The following TMF1 variants were observed in gnomAD, a reference collection of about 807,000 sequenced individuals.
The protein encoded by TMF1 is TATA element modulatory factor 1, also known as TATA element modulatory factor.
TMF1 carries 71 observed loss-of-function variants against 126.5 expected under a neutral mutation model. That is an observed-to-expected ratio of 0.56 (90% confidence interval 0.46 to 0.68). The LOEUF (loss-of-function observed/expected upper bound fraction) is 0.68. Ranked by LOEUF, TMF1 falls within the 30% of genes least tolerant of loss-of-function variation. TMF1 has a pLI of 0.00. For missense variants in TMF1, 1,259 were observed against 1,253.2 expected (o/e 1.00, Z -0.07); for synonymous variants, 461 against 430.5 (o/e 1.07, Z -0.88).
chr3:69,029,848 T>C lies in TMF1; in HGVS notation c.2561A>G (p.Asn854Ser). 6.2e-7 allele frequency: 1 copy of C among 1,613,504 alleles called. No individual in the cohort carries two copies. Among genetic ancestry groups the C allele is most frequent in the Non-Finnish European group, 8.5e-7 (1 of 1,179,698 alleles). The stretch of plus-strand genomic sequence containing the variant: ...CTCATCCTCCAGTTTACACAGCCTA[T>C]TTTTCTCTGATTCTAGCTGGGCTTG... The part of the protein sequence containing the change: ...RFQAQLESEK[N>S]RLCKLEDENN... The change falls in exon 11 of 17, where the codon AAT becomes AGT. Residue 854 changes from asparagine (N) to serine (S), a missense_variant. Asn to Ser is a conservative substitution (Grantham distance 46). Transcript: ENST00000398559.
At position 69,026,031 on chromosome 3, in the gene TMF1, C is replaced by G; in HGVS notation, c.2824G>C (p.Asp942His). ...AAAGATGTCTGTAGTCCTGCCATAT[C>G]AACACCACTTATTGAACTTGAGCGT... is the stretch of plus-strand genomic sequence containing the variant. Reference protein sequence around the residue: ...MSRSSSISGVDMAGLQTSFLS... With the variant: ...MSRSSSISGVHMAGLQTSFLS... Residue 942 changes from aspartate to histidine, a missense_variant, in exon 14 of 17, where the codon GAT (aspartate) becomes CAT (histidine). Physicochemically the swap from Asp to His is moderately conservative, Grantham distance 81. Coordinates refer to ENST00000398559, the MANE Select transcript of TMF1 (RefSeq NM_007114.3). 3 of 1,614,080 alleles carry G rather than the reference C, an allele frequency of 1.9e-6. No individual in the cohort carries two copies. The highest frequency in any genetic ancestry group is 2.5e-6 in the Non-Finnish European group (3 of 1,179,988).
At chr3:69,028,416 T>C (rs1046615364) in intron 11 of TMF1, 121 bp from the exon 12 acceptor site, 3 of 619,708 alleles carry the variant, frequency 4.8e-6, no homozygotes, top group African/African-American at 1.8e-5. Context: ...TATTACCAGC[T>C]TGACATCAGT....
chr3:69,025,933 C>T, intron 14 of TMF1, 63 bp downstream of exon 14: 1 of 1,379,728 alleles, frequency 7.2e-7, no homozygotes, highest in Non-Finnish European at 1.0e-6. Context: ...ACAATATTGC[C>T]ATTTGCATAT....
chr3:69,040,558 C>T (rs2091857995), intron 5 of TMF1: 1 of 152,172 alleles, frequency 6.6e-6, no homozygotes, highest in East Asian at 1.9e-4. Context: ...CCTGATGAAT[C>T]TAGGTGATGA....
chr3:69,048,319 ACTT>A lies in TMF1; in HGVS notation c.383_385del (p.Glu128del), dbSNP rs751569693. 26 of 1,613,958 alleles carry A rather than the reference ACTT, an allele frequency of 1.6e-5. No individual in the cohort carries two copies. Among genetic ancestry groups the A allele is most frequent in the Admixed American group, 8.3e-5 (5 of 59,984 alleles). Reference sequence around the variant, plus strand: ...CAAGGATTCATGTAAGCTGCTTTTCACTTCTTCTTCTGGTCGTTGTGATTTTGC... The same window carrying A: ...CAAGGATTCATGTAAGCTGCTTTTCACTTCTTCTGGTCGTTGTGATTTTGC... On this transcript the variant is annotated inframe_deletion, in exon 2 of 17. Transcript: ENST00000398559.
In TMF1 at chr3:69,052,285, C is replaced by T. The variant is rs1334610547; in HGVS notation, c.-199G>A. The T allele has an allele frequency of 1.5e-5, 7 of 480,048 alleles. No individual in the cohort carries two copies. Among genetic ancestry groups the T allele is most frequent in the Non-Finnish European group, 2.2e-5 (6 of 274,190 alleles). 29.7% of individuals were successfully genotyped at this position (480,048 alleles called of 1,614,324 possible). ...CCGCACAGCTGAGACGAAGGGGGCC[C>T]ATGTGCGCATGCGCTTGCTTCTTCC... On this transcript the variant is annotated 5_prime_UTR_variant, in exon 1 of 17. The change abolishes an upstream ATG in the 5' untranslated region. Coordinates refer to ENST00000398559, the MANE Select transcript of TMF1 (RefSeq NM_007114.3).
chr3:69,029,444 AATTTAT>A (rs889207953), intron 11 of TMF1, among the ~76,000 whole-genome samples: 3 of 97,056 alleles, frequency 3.1e-5, no homozygotes, highest in Admixed American at 2.8e-4. Context: ...TTACTTATTT[AATTTAT>A]TTTTTTTTTT....
At position 69,046,591 on chromosome 3, in the gene TMF1, T is replaced by C. The variant is rs2091897394; in HGVS notation, c.1347+767A>G. ...CAAGACATCCTACATCTCAGAAGTC[T>C]ATTAAAGATACCAGATCCAACTAAA... is the stretch of plus-strand genomic sequence containing the variant. On this transcript the variant is annotated intron_variant, in intron 2 of 16. Transcript: ENST00000398559. Among the ~76,000 whole-genome samples the C allele has an allele frequency of 3.3e-5, 5 of 152,332 alleles. No homozygotes were observed. In the South Asian group the frequency reaches 1.0e-3, roughly 32 times the overall value.
intron 1 of TMF1, among the ~76,000 whole-genome samples, chr3:69,050,968 A>C (rs2091924362): frequency 6.6e-6 from 1 of 152,218 alleles, no homozygotes; most frequent in South Asian, 2.1e-4. Flanking sequence ...AAGCTCAATG[A>C]AACTGCAAAG....
Position 69,038,594 on chromosome 3 carries a change from G to T in TMF1, c.2121C>A (p.Ala707=). The T allele has an allele frequency of 6.2e-7, 1 of 1,613,816 alleles. No individual in the cohort carries two copies. Among genetic ancestry groups the T allele is most frequent in the East Asian group, 2.2e-5 (1 of 44,874 alleles). ...TGGCTAATGTTTCTTGCTGCTGACGGGCTTCTTCTTGGGCCTTCTCTAATG... is the reference window on the plus strand; with the variant it reads ...TGGCTAATGTTTCTTGCTGCTGACGTGCTTCTTCTTGGGCCTTCTCTAATG... ...SAALEKAQEE[A]RQQQETLAIQ... Residue 707 remains alanine, a synonymous_variant, in exon 8 of 17, where the codon GCC becomes GCA. Transcript: ENST00000398559.
Position 69,033,721 on chromosome 3 carries a change from T to C in TMF1, c.2245-17A>G. 1 of 1,593,942 alleles carries C rather than the reference T, an allele frequency of 6.3e-7. No individual in the cohort carries two copies. The highest frequency in any genetic ancestry group is 8.5e-7 in the Non-Finnish European group (1 of 1,172,166). On this transcript the variant is annotated splice_polypyrimidine_tract_variant and intron_variant, in intron 9 of 16. Transcript: ENST00000398559. ...CTGGAGTCTCTGAATCATGAAATTC[T>C]GAAGTCATTACCAATGACAGCAATA...
intron 8 of TMF1, among the ~76,000 whole-genome samples, chr3:69,036,686 G>A (rs765919575): frequency 6.6e-6 from 1 of 152,144 alleles, no homozygotes; most frequent in African/African-American, 2.4e-5. Context: ...TCATGTAAAT[G>A]TTTTACACAT....
intron 5 of TMF1, 46 bp downstream of exon 5, chr3:69,042,761 C>A: frequency 6.8e-7 from 1 of 1,479,334 alleles, no homozygotes; most frequent in Non-Finnish European, 9.4e-7. Context: ...AAGTACTTTT[C>A]CTGTTCTTAC....
chr3:69,030,221 A>C, intron 10 of TMF1: 1 of 443,604 alleles, frequency 2.3e-6, no homozygotes, highest in South Asian at 4.7e-5. Context: ...TTTTAATTTC[A>C]AAATGGAGTC....
At chr3:69,041,294 A>G (rs1426482497) in intron 5 of TMF1, among the ~76,000 whole-genome samples, 2 of 152,158 alleles carry the variant, frequency 1.3e-5, no homozygotes, top group Non-Finnish European at 2.9e-5. Flanking sequence ...TTTTATCATT[A>G]TCTGTGTTCC....
chr3:69,027,840 A>G (rs923006464), intron 13 of TMF1, 60 bp downstream of exon 13: 1 of 854,220 alleles, frequency 1.2e-6, no homozygotes, highest in African/African-American at 1.7e-5. Context: ...AAAAGCAATG[A>G]TTAATCACAG....
At position 69,039,665 on chromosome 3, in the gene TMF1, G is replaced by A; in HGVS notation, c.1713C>T (p.His571=). ...TTAATTTCTTGATGATGTTAGAATT[G>A]TGCAGCTGCTGTTTTGAAAGTTTTT... ...EGEKLSKQQL[H]NSNIIKKLRA... is the part of the protein sequence containing the mutation. The change falls in exon 6 of 17, where the codon CAC becomes CAT. Residue 571 remains histidine (H), a synonymous_variant. Coordinates refer to ENST00000398559, the MANE Select transcript of TMF1 (RefSeq NM_007114.3). The A allele has an allele frequency of 6.2e-7, 1 of 1,611,784 alleles. No individual in the cohort carries two copies. The highest frequency in any genetic ancestry group is 1.3e-5 in the African/African-American group (1 of 74,870).
rs1011609201 is a variant in TMF1, at chr3:69,047,234, T to C, written c.1347+124A>G. ...CAAGGTACTTAATGCTACACAGAAA[T>C]GGCAAAATGCGTATGTTTTTAAATC... On this transcript the variant is annotated intron_variant, in intron 2 of 16. Coordinates refer to ENST00000398559, the MANE Select transcript of TMF1 (RefSeq NM_007114.3). 4 of 1,189,994 alleles carry C rather than the reference T, an allele frequency of 3.4e-6. No homozygotes were observed. In the African/African-American group the frequency reaches 4.6e-5, roughly 14 times the overall value. 73.7% of individuals were successfully genotyped at this position (1,189,994 alleles called of 1,614,324 possible).
At chr3:69,029,044 T>TA (rs1338135887) in intron 11 of TMF1, among the ~76,000 whole-genome samples, 2 of 149,002 alleles carry the variant, frequency 1.3e-5, no homozygotes, top group African/African-American at 4.9e-5. Flanking sequence ...CTTTATTTAT[T>TA]TTTTTTTTTT....
Sources: gnomAD v4.1 joint callset for allele counts (sites outside exome capture counted in the v4.1 genomes callset) on GRCh38, gnomAD v4.1.1 for gene constraint, MANE v1.5 for transcripts, NCBI Gene and HGNC (gene_info 2026-07-23, HGNC 2026-07-21) for gene names.